RTRAF: variants seen among roughly 807,000 people sequenced by gnomAD.
RTRAF encodes tRNA-splicing ligase complex subunit RTRAF.
RTRAF carries 14 observed loss-of-function variants against 34.4 expected under a neutral mutation model. That is an observed-to-expected ratio of 0.41 (90% CI 0.27 to 0.64). The LOEUF is 0.64. Among genes scored for constraint, RTRAF ranks in the 30% least tolerant of loss-of-function variants. The pLI is 0.34. For missense variants in RTRAF, 291 were observed against 288.4 expected (o/e 1.01, Z -0.06); for synonymous variants, 96 against 95.3 (o/e 1.01, Z -0.04).
rs1308194672 is a variant in RTRAF, at chr14:52,005,880, G to A, written c.*1364G>A. 6.7e-7 allele frequency: 1 copy of A among 1,496,828 alleles called. No homozygotes were observed. The highest frequency in any genetic ancestry group is 1.5e-5 in the African/African-American group (1 of 68,850). 92.7% of individuals were successfully genotyped at this position (1,496,828 alleles called of 1,614,324 possible). A position where few individuals can be genotyped will look rare whatever the true frequency, so the allele number is the denominator to read the frequency against. ...AACAGAAAGGAAGAGTGAATTCAGG[G>A]ACAGTCATTTACTAGATAAAGAAGT... On this transcript the variant is annotated 3_prime_UTR_variant, in exon 8 of 8. Coordinates refer to ENST00000261700, the MANE Select transcript of RTRAF (RefSeq NM_016039.3).
At position 52,007,961 on chromosome 14, in the gene RTRAF, C is replaced by A. The variant is rs766606365; in HGVS notation, c.*3445C>A. 1 of 1,595,990 alleles carries A rather than the reference C, an allele frequency of 6.3e-7. No homozygotes were observed. Among genetic ancestry groups the A allele is most frequent in the Non-Finnish European group, 8.5e-7 (1 of 1,173,758 alleles). ...CTTCTCTATTCCAGTCTGTCCAGTA[C>A]AAGTTGCTGTAAGTTAAAAATCAAG... is the stretch of plus-strand genomic sequence containing the variant. On this transcript the variant is annotated 3_prime_UTR_variant, in exon 8 of 8. Transcript: ENST00000261700.
In RTRAF at chr14:52,008,912, A is replaced by G. The variant is rs1890898743; in HGVS notation, c.*4396A>G. On this transcript the variant is annotated 3_prime_UTR_variant, in exon 8 of 8. Transcript: ENST00000261700. ...TTACCTTTTAAATGCCACGTTAAAA[A>G]TGAAATATATTCATAACAGATACTA... 6.6e-6 allele frequency: 1 copy of G among 152,244 alleles called. No homozygotes were observed. Among genetic ancestry groups the G allele is most frequent in the Admixed American group, 6.5e-5 (1 of 15,284 alleles). 9.4% of individuals were successfully genotyped at this position (152,244 alleles called of 1,614,324 possible). A position where few individuals can be genotyped will look rare whatever the true frequency, so the allele number is the denominator to read the frequency against.
chr14:51,996,065 C>T (rs993517920), intron 3 of RTRAF, among the ~76,000 whole-genome samples: 9 of 152,046 alleles, frequency 5.9e-5, no homozygotes, highest in African/African-American at 2.2e-4. Context: ...ATGGTAGATG[C>T]ATATGGTCAT....
chr14:51,995,268 G>A (rs1282163030), intron 3 of RTRAF, among the ~76,000 whole-genome samples: 1 of 151,834 alleles, frequency 6.6e-6, no homozygotes, highest in Admixed American at 6.6e-5. Context: ...CAGCAAGGCA[G>A]GTTCCTTTTG....
chr14:51,991,380 T>C lies in RTRAF; in HGVS notation c.125T>C (p.Ile42Thr), dbSNP rs1837630166. The change falls in exon 2 of 8, where the codon ATT becomes ACT. Residue 42 changes from isoleucine (I) to threonine (T), a missense_variant. Ile to Thr is a moderately conservative substitution (Grantham distance 89, BLOSUM62 -1). Coordinates refer to ENST00000261700, the MANE Select transcript of RTRAF (RefSeq NM_016039.3). ...GACCAGAAAATCAGGCACTACAAGA[T>C]TGAAGACAGAGGGAATTTAAGAAAC... ...LEDQKIRHYK[I>T]EDRGNLRNIH... is the part of the protein sequence containing the mutation. The C allele has an allele frequency of 1.2e-6, 2 of 1,613,602 alleles. No homozygotes were observed.
chr14:52,001,909 C>T (rs763827648), intron 6 of RTRAF, 43 bp downstream of exon 6: 11 of 1,498,676 alleles, frequency 7.3e-6, no homozygotes, highest in African/African-American at 4.2e-5. Context: ...ATGAACATTT[C>T]TTCTGGTATG....
In RTRAF at chr14:52,005,499, GT is replaced by G. The variant is rs1890736203; in HGVS notation, c.*984del. The G allele has an allele frequency of 2.5e-6, 4 of 1,598,576 alleles. No homozygotes were observed. Among genetic ancestry groups the G allele is most frequent in the African/African-American group, 2.7e-5 (2 of 74,038 alleles). ...ACATTACTGTACTTACTTTCTTCCT[GT>G]GAGAGAAGAGCAGGGGTGGGACAGG... On this transcript the variant is annotated 3_prime_UTR_variant, in exon 8 of 8. Transcript: ENST00000261700.
chr14:51,999,628 G>C, intron 4 of RTRAF, 80 bp from the exon 5 acceptor site: 1 of 1,002,720 alleles, frequency 1.0e-6, no homozygotes, highest in Non-Finnish European at 1.5e-6. Flanking sequence ...AGTTAAAAAT[G>C]TTTTTGTATG....
intron 3 of RTRAF, among the ~76,000 whole-genome samples, chr14:51,997,467 C>T (rs1890538481): frequency 6.6e-6 from 1 of 151,870 alleles, no homozygotes; most frequent in Non-Finnish European, 1.5e-5. Context: ...CCAGTGGAAG[C>T]CTTTTTAACT....
rs986543245 is a variant in RTRAF, at chr14:51,994,083, T to G, written c.286+261T>G. 5.9e-5 allele frequency among the ~76,000 whole-genome samples: 9 copies of G among 152,270 alleles called. No homozygotes were observed. The East Asian group carries it at 1.7e-3, about 29-fold the overall frequency. ...CTACTTTGATAATATGGTCTGCACC[T>G]TAGCCTTTCAAATTAAATTGTTTTT... On this transcript the variant is annotated intron_variant, in intron 3 of 7. Transcript: ENST00000261700.
Position 52,004,591 on chromosome 14 carries a change from A to AAATGTCACATTCTC in RTRAF, c.*76_*89dup. 1 of 1,413,982 alleles carries AAATGTCACATTCTC rather than the reference A, an allele frequency of 7.1e-7. No individual in the cohort carries two copies. Among genetic ancestry groups the AAATGTCACATTCTC allele is most frequent in the South Asian group, 1.5e-5 (1 of 68,582 alleles). 87.6% of individuals were successfully genotyped at this position (1,413,982 alleles called of 1,614,324 possible). A position where few individuals can be genotyped will look rare whatever the true frequency, so the allele number is the denominator to read the frequency against. ...ACACTTCTGGCATGTTTGGAAATCA[A>AAATGTCACATTCTC]AATGTCACATTCTCGGGGGAGGAAG... On this transcript the variant is annotated 3_prime_UTR_variant, in exon 8 of 8. Coordinates refer to ENST00000261700, the MANE Select transcript of RTRAF (RefSeq NM_016039.3).
In RTRAF at chr14:52,005,371, G is replaced by A; in HGVS notation, c.*855G>A. ...GCACTACAAAATGTTCATCTTGGAT[G>A]CTCAGGAACGTCTAATGGCCAATTC... is the stretch of plus-strand genomic sequence containing the variant. On this transcript the variant is annotated 3_prime_UTR_variant, in exon 8 of 8. Transcript: ENST00000261700. 1 of 967,760 alleles carries A rather than the reference G, an allele frequency of 1.0e-6. No individual in the cohort carries two copies. Among genetic ancestry groups the A allele is most frequent in the Non-Finnish European group, 1.5e-6 (1 of 684,012 alleles). The allele number at this position is 967,760 out of a possible 1,614,324, so 59.9% of individuals were successfully genotyped here. A position where few individuals can be genotyped will look rare whatever the true frequency, so the allele number is the denominator to read the frequency against.
At chr14:51,991,536 TG>T in intron 2 of RTRAF, 95 bp downstream of exon 2, 1 of 1,398,756 alleles carries the variant, frequency 7.1e-7, no homozygotes, top group South Asian at 1.3e-5. Context: ...AAGAAAAAAA[TG>T]ATAATGATCA....
rs779508398 is a variant in RTRAF, at chr14:52,010,395, A to ATGTT, written c.*5881_*5884dup. ...CTTAGCAATTATACAGACAGGGAAA[A>ATGTT]TGTTTATCTTGATTTCTGCTACAGC... On this transcript the variant is annotated 3_prime_UTR_variant, in exon 8 of 8. Transcript: ENST00000261700. 4 of 153,174 alleles carry ATGTT rather than the reference A, an allele frequency of 2.6e-5. No individual in the cohort carries two copies. Among genetic ancestry groups the ATGTT allele is most frequent in the East Asian group, 1.9e-4 (1 of 5,226 alleles). 9.5% of individuals were successfully genotyped at this position (153,174 alleles called of 1,614,324 possible). A position where few individuals can be genotyped will look rare whatever the true frequency, so the allele number is the denominator to read the frequency against.
chr14:52,006,812 A>G lies in RTRAF; in HGVS notation c.*2296A>G, dbSNP rs1049926109. On this transcript the variant is annotated 3_prime_UTR_variant, in exon 8 of 8. Coordinates refer to ENST00000261700, the MANE Select transcript of RTRAF (RefSeq NM_016039.3). ...TAGCAACTGTAAAATTACCTGTCCT[A>G]TTACTAGTCTCCAGTTTTTAGTAGA... 2 of 694,864 alleles carry G rather than the reference A, an allele frequency of 2.9e-6. No individual in the cohort carries two copies. Among genetic ancestry groups the G allele is most frequent in the Non-Finnish European group, 4.6e-6 (2 of 432,904 alleles). 43.0% of individuals were successfully genotyped at this position (694,864 alleles called of 1,614,324 possible). A position where few individuals can be genotyped will look rare whatever the true frequency, so the allele number is the denominator to read the frequency against.
In RTRAF at chr14:52,006,205, T is replaced by C. The variant is rs1304722672; in HGVS notation, c.*1689T>C. Reference sequence around the variant, plus strand: ...AAAAGCCAACTTAAGCCCTGTAATATAGCTCATGGTATCAAGGGTAGTCTT... The same window carrying C: ...AAAAGCCAACTTAAGCCCTGTAATACAGCTCATGGTATCAAGGGTAGTCTT... On this transcript the variant is annotated 3_prime_UTR_variant, in exon 8 of 8. Transcript: ENST00000261700. 4 of 392,908 alleles carry C rather than the reference T, an allele frequency of 1.0e-5. No homozygotes were observed. The highest frequency in any genetic ancestry group is 7.7e-4 in the Middle Eastern group (1 of 1,304). The allele number at this position is 392,908 out of a possible 1,614,324, so 24.3% of individuals were successfully genotyped here.
chr14:52,001,915 G>C, intron 6 of RTRAF, 49 bp downstream of exon 6: 1 of 1,468,586 alleles, frequency 6.8e-7, no homozygotes, highest in East Asian at 2.3e-5. Context: ...ATTTCTTCTG[G>C]TATGGCCGTG....
intron 6 of RTRAF, among the ~76,000 whole-genome samples, chr14:52,002,813 C>A (rs1414074000): frequency 6.6e-6 from 1 of 152,172 alleles, no homozygotes; most frequent in Non-Finnish European, 1.5e-5. Flanking sequence ...CCCCTTTAGG[C>A]AGGCCAAGCA....
chr14:52,001,922 C>G, intron 6 of RTRAF, 56 bp downstream of exon 6: 1 of 1,439,632 alleles, frequency 6.9e-7, no homozygotes, highest in African/African-American at 1.4e-5. Context: ...CTGGTATGGC[C>G]GTGATTTTAA....
Sources: gnomAD v4.1 joint callset for allele counts (sites outside exome capture counted in the v4.1 genomes callset) on GRCh38, gnomAD v4.1.1 for gene constraint, MANE v1.5 for transcripts, NCBI Gene and HGNC (gene_info 2026-07-23, HGNC 2026-07-21) for gene names.